Variants in SERINC3 observed in about 807,000 individuals in gnomAD.
SERINC3 encodes tumor differentially expressed protein 1.
SERINC3 carries 22 observed loss-of-function variants against 52.1 expected under a neutral mutation model. The observed-to-expected ratio is 0.42, with a 90% confidence interval of 0.30 to 0.60. The LOEUF (loss-of-function observed/expected upper bound fraction) is 0.60. Ranked by LOEUF, SERINC3 falls within the 20% of genes least tolerant of loss-of-function variation. The pLI, the probability that SERINC3 is intolerant of heterozygous loss-of-function variation, is 0.16. For synonymous variants in SERINC3, 226 were observed against 212.7 expected (o/e 1.06, Z -0.54); for missense variants, 564 against 584.6 (o/e 0.96, Z 0.36).
chr20:44,506,951 C>G lies in SERINC3; in HGVS notation c.659G>C (p.Cys220Ser). 6.2e-7 allele frequency: 1 copy of G among 1,609,224 alleles called. No homozygotes were observed. The highest frequency in any genetic ancestry group is 8.5e-7 in the Non-Finnish European group (1 of 1,178,396). The change falls in exon 6 of 10, where the codon TGT becomes TCT. Residue 220 changes from cysteine to serine, a missense_variant. Physicochemically the swap from Cys to Ser is moderately radical, Grantham distance 112. Transcript: ENST00000342374. ...TSAFYILSII[C>S]VGLLYTYYTK... is the part of the protein sequence containing the mutation. ...GTAATATGTATAGAGCAGCCCGACACAGATGATTGACAGGATATAAAAGGC... is the reference window on the plus strand; with the variant it reads ...GTAATATGTATAGAGCAGCCCGACAGAGATGATTGACAGGATATAAAAGGC...
chr20:44,520,390 A>G (rs1423306466), intron 1 of SERINC3, among the ~76,000 whole-genome samples: 3 of 152,172 alleles, frequency 2.0e-5, no homozygotes, highest in Non-Finnish European at 4.4e-5. Context: ...ATATCACTTC[A>G]TCTGTATCTT....
chr20:44,503,585 T>C (rs933378021), intron 8 of SERINC3, among the ~76,000 whole-genome samples: 5 of 152,130 alleles, frequency 3.3e-5, no homozygotes, highest in Non-Finnish European at 7.3e-5. Context: ...GAGGTGGAGA[T>C]TGCAGTGAGC....
At chr20:44,520,257 C>T (rs1192511243) in intron 1 of SERINC3, among the ~76,000 whole-genome samples, 1 of 152,076 alleles carries the variant, frequency 6.6e-6, no homozygotes, top group African/African-American at 2.4e-5. Context: ...ACACTATAAT[C>T]CCAGCTACTC....
At chr20:44,508,865 A>G (rs1362099429) in intron 5 of SERINC3, among the ~76,000 whole-genome samples, 1 of 152,264 alleles carries the variant, frequency 6.6e-6, no homozygotes, top group African/African-American at 2.4e-5. Flanking sequence ...AATGGGTTGC[A>G]GATAGGTGGA....
intron 8 of SERINC3, 97 bp downstream of exon 8, chr20:44,503,718 T>A: frequency 1.0e-6 from 1 of 979,754 alleles, no homozygotes; most frequent in Non-Finnish European, 1.5e-6. Context: ...AGAGTGAAGT[T>A]TTTAAATTTC....
intron 4 of SERINC3, among the ~76,000 whole-genome samples, chr20:44,510,446 C>T (rs1268090272): frequency 6.6e-6 from 1 of 152,140 alleles, no homozygotes; most frequent in South Asian, 2.1e-4. Context: ...TAAGATATTG[C>T]CAAAAGATTA....
At chr20:44,515,589 G>A (rs887629494) in intron 1 of SERINC3, among the ~76,000 whole-genome samples, 4 of 152,086 alleles carry the variant, frequency 2.6e-5, no homozygotes, top group Non-Finnish European at 5.9e-5. Flanking sequence ...CCTTTAGGGC[G>A]ACGAACTAGA....
rs768738959 is a variant in SERINC3 at position 44,497,548 on chromosome 20, G to A, written c.*2748C>T. ...AAGGCGGAGGATGGGGCACTGTAAT[G>A]TTTTTGAAGTTTAGGACCTTTAAAG... is the stretch of plus-strand genomic sequence containing the variant. On this transcript the variant is annotated 3_prime_UTR_variant, in exon 10 of 10. Coordinates refer to ENST00000342374, the MANE Select transcript of SERINC3 (RefSeq NM_006811.4). 4 of 152,284 alleles carry A rather than the reference G, an allele frequency of 2.6e-5. No individual in the cohort carries two copies. The highest frequency in any genetic ancestry group is 9.7e-5 in the African/African-American group (4 of 41,450). The allele number at this position is 152,284 out of a possible 1,614,324, so 9.4% of individuals were successfully genotyped here.
intron 8 of SERINC3, among the ~76,000 whole-genome samples, chr20:44,503,461 A>T (rs2064292081): frequency 6.6e-6 from 1 of 152,210 alleles, no homozygotes; most frequent in African/African-American, 2.4e-5. Context: ...CAGCCTAGCC[A>T]ACATGGTGAA....
At chr20:44,515,511 T>C (rs1404536115) in intron 1 of SERINC3, among the ~76,000 whole-genome samples, 3 of 152,196 alleles carry the variant, frequency 2.0e-5, no homozygotes, top group African/African-American at 7.2e-5. Context: ...TAAGTGAATC[T>C]AGAGACAGAA....
At chr20:44,506,158 G>A (rs760718482) in intron 6 of SERINC3, among the ~76,000 whole-genome samples, 11 of 151,252 alleles carry the variant, frequency 7.3e-5, no homozygotes, top group Non-Finnish European at 1.3e-4. Context: ...AAAATTAGCC[G>A]GGCATGGTGG....
rs73615472 is a variant in SERINC3, at chr20:44,519,480, A to C, written c.39+2433T>G. ...GATTATTTCATAAAACTTTGTCTCT[A>C]TATGGGTGCATCAGATCACAGATCA... On this transcript the variant is annotated intron_variant, in intron 1 of 9. Coordinates refer to ENST00000342374, the MANE Select transcript of SERINC3 (RefSeq NM_006811.4). The C allele has an allele frequency of 6.6e-3, 3,624 of 546,614 alleles. 44 individuals carry two copies. Among genetic ancestry groups the C allele is most frequent in the East Asian group, 0.066 (451 of 6,878 alleles). 33.9% of individuals were successfully genotyped at this position (546,614 alleles called of 1,614,324 possible).
rs987099512 is a variant in SERINC3 at position 44,498,553 on chromosome 20, G to C, written c.*1743C>G. The C allele has an allele frequency of 6.6e-6, 1 of 151,792 alleles. No individual in the cohort carries two copies. The highest frequency in any genetic ancestry group is 1.5e-5 in the Non-Finnish European group (1 of 68,006). 9.4% of individuals were successfully genotyped at this position (151,792 alleles called of 1,614,324 possible). On this transcript the variant is annotated 3_prime_UTR_variant, in exon 10 of 10. Transcript: ENST00000342374. ...ATCGCACCATTGCACTCCAGCCTGG[G>C]CGACAGAGCAAGACTCCGTCTCAAA...
chr20:44,499,032 T>TC lies in SERINC3; in HGVS notation c.*1263dup, dbSNP rs1412298061. The stretch of plus-strand genomic sequence containing the variant: ...AGCCTACCATTACACCAAATACCTC[T>TC]CCTTTGAGTTCTCTCCAATTCCTAA... On this transcript the variant is annotated 3_prime_UTR_variant, in exon 10 of 10. Coordinates refer to ENST00000342374, the MANE Select transcript of SERINC3 (RefSeq NM_006811.4). 6.6e-6 allele frequency: 1 copy of TC among 152,182 alleles called. No homozygotes were observed. Among genetic ancestry groups the TC allele is most frequent in the Non-Finnish European group, 1.5e-5 (1 of 68,032 alleles). 9.4% of individuals were successfully genotyped at this position (152,182 alleles called of 1,614,324 possible). A position where few individuals can be genotyped will look rare whatever the true frequency, so the allele number is the denominator to read the frequency against.
Position 44,498,243 on chromosome 20 carries a change from AC to A in SERINC3, c.*2052del, listed in dbSNP as rs2064258980. 1 of 151,908 alleles carries A rather than the reference AC, an allele frequency of 6.6e-6. No homozygotes were observed. Among genetic ancestry groups the A allele is most frequent in the South Asian group, 2.1e-4 (1 of 4,814 alleles). 9.4% of individuals were successfully genotyped at this position (151,908 alleles called of 1,614,324 possible). On this transcript the variant is annotated 3_prime_UTR_variant, in exon 10 of 10. Coordinates refer to ENST00000342374, the MANE Select transcript of SERINC3 (RefSeq NM_006811.4). ...TTAAACCAGAATCACTCAGAAATCT[AC>A]CTCTCCTTCATATTATTCATAACTG...
At chr20:44,510,944 T>C (rs942536738) in intron 4 of SERINC3, among the ~76,000 whole-genome samples, 28 of 151,966 alleles carry the variant, frequency 1.8e-4, no homozygotes, top group African/African-American at 6.5e-4. Context: ...GACAGAGTCT[T>C]GATCTGTCGC....
intron 8 of SERINC3, among the ~76,000 whole-genome samples, chr20:44,501,989 G>A (rs895253139): frequency 1.3e-5 from 2 of 152,118 alleles, no homozygotes; most frequent in Non-Finnish European, 2.9e-5. Context: ...TCCTCAGGCT[G>A]ACAAAAGGAA....
At chr20:44,506,584 CAAAA>C (rs1191331026) in intron 6 of SERINC3, among the ~76,000 whole-genome samples, 94 of 14,224 alleles carry the variant, frequency 6.6e-3, no homozygotes, top group African/African-American at 0.017. Context: ...GACTCCATCT[CAAAA>C]AAAAAAAAAA....
intron 1 of SERINC3, among the ~76,000 whole-genome samples, chr20:44,518,813 A>C (rs1600820787): frequency 6.6e-6 from 1 of 152,138 alleles, no homozygotes; most frequent in East Asian, 1.9e-4. Context: ...AAAAATACAA[A>C]ATTAGCCAGG....
Sources: allele counts gnomAD v4.1 joint callset (sites outside exome capture counted in the v4.1 genomes callset), GRCh38; gene constraint gnomAD v4.1.1; transcripts MANE v1.5; gene names NCBI Gene and HGNC (gene_info 2026-07-23, HGNC 2026-07-21).